The following CGNL1 variants were observed in gnomAD, a reference collection of about 807,000 sequenced individuals.
The protein encoded by CGNL1 is cingulin like 1.
In CGNL1, 132 loss-of-function variants were observed where a neutral mutation model predicts 141.2. The observed-to-expected ratio is 0.93, with a 90% CI of 0.81 to 1.08. The LOEUF (loss-of-function observed/expected upper bound fraction) is 1.08. Ranked by LOEUF, CGNL1 falls within the 50% of genes least tolerant of loss-of-function variation. The pLI is 0.00. For missense variants in CGNL1, 1,870 were observed against 1,588.6 expected, an observed-to-expected ratio of 1.18 and a Z score of -3.01; for synonymous variants, 690 against 622.1, an observed-to-expected ratio of 1.11 and a Z score of -1.63.
At chr15:57,403,231 G>A (rs1228070171) in intron 1 of CGNL1, among the ~76,000 whole-genome samples, 2 of 152,214 alleles carry the variant, frequency 1.3e-5, no homozygotes, top group African/African-American at 4.8e-5. Context: ...CTCATGCTGA[G>A]CTTTGTCAGC....
At chr15:57,497,667 G>A (rs2063960028) in intron 8 of CGNL1, among the ~76,000 whole-genome samples, 1 of 152,224 alleles carries the variant, frequency 6.6e-6, no homozygotes, top group South Asian at 2.1e-4. Context: ...AGTTCCACAG[G>A]AATGGAGGGT....
intron 1 of CGNL1, among the ~76,000 whole-genome samples, chr15:57,434,421 C>A (rs377013094): frequency 1.3e-5 from 2 of 151,764 alleles, no homozygotes; most frequent in East Asian, 3.9e-4. Flanking sequence ...AAACCAAGAA[C>A]AAAATAAAAT....
At chr15:57,473,297 C>G (rs1210233263) in intron 8 of CGNL1, among the ~76,000 whole-genome samples, 1 of 152,110 alleles carries the variant, frequency 6.6e-6, no homozygotes, top group Non-Finnish European at 1.5e-5. Context: ...TAAAGACTTG[C>G]CAAGATCATT....
Position 57,434,983 on chromosome 15 carries a change from A to G in CGNL1, c.-15-3002A>G, listed in dbSNP as rs547198701. ...AGGAAGAGAGCAATGAGACCCTAAT[A>G]TAGGGTAGGAGGAGGGAAGACTGTA... On this transcript the variant is annotated intron_variant, in intron 1 of 18. Coordinates refer to ENST00000281282, the MANE Select transcript of CGNL1 (RefSeq NM_032866.5). Among the ~76,000 whole-genome samples the G allele has an allele frequency of 2.0e-5, 3 of 152,252 alleles. No individual in the cohort carries two copies. In the South Asian group the frequency reaches 6.2e-4, roughly 32 times the overall value.
chr15:57,453,566 G>A (rs1301180595), intron 6 of CGNL1, 117 bp from the exon 7 acceptor site: 1 of 1,324,986 alleles, frequency 7.5e-7, no homozygotes, highest in Non-Finnish European at 1.0e-6. Flanking sequence ...AACAGAGAAT[G>A]GGGAGGCTCC....
chr15:57,526,099 A>G (rs1361162315), intron 12 of CGNL1, among the ~76,000 whole-genome samples: 1 of 152,066 alleles, frequency 6.6e-6, no homozygotes, highest in Admixed American at 6.5e-5. Flanking sequence ...CTCTAGTTAG[A>G]TAAGGAAACT....
intron 8 of CGNL1, among the ~76,000 whole-genome samples, chr15:57,507,440 T>C (rs1486236513): frequency 6.6e-6 from 1 of 152,220 alleles, no homozygotes; most frequent in African/African-American, 2.4e-5. Context: ...GGAAGCATGT[T>C]GACTTATTTC....
Position 57,405,979 on chromosome 15 carries a change from A to AC in CGNL1, c.-16+29417dup, listed in dbSNP as rs11287148. 4 of 151,748 alleles carry AC rather than the reference A, an allele frequency of 2.6e-5. No homozygotes were observed. The East Asian group carries it at 5.8e-4, about 22-fold the overall frequency. 9.4% of individuals were successfully genotyped at this position (151,748 alleles called of 1,614,324 possible). On this transcript the variant is annotated intron_variant, in intron 1 of 18. Coordinates refer to ENST00000281282, the MANE Select transcript of CGNL1 (RefSeq NM_032866.5). ...CATTTAATACAGATATTTACCAAGT[A>AC]CCCCCTGTGGGTCAGGCCCTACTCT...
rs570349621 is a variant in CGNL1 at position 57,420,049 on chromosome 15, T to G, written c.-15-17936T>G. Among the ~76,000 whole-genome samples, 133 of 152,354 alleles carry G rather than the reference T, an allele frequency of 8.7e-4. 3 individuals are homozygous for G. Among genetic ancestry groups the G allele is most frequent in the Non-Finnish European group, 2.9e-5 (2 of 68,024 alleles). On this transcript the variant is annotated intron_variant, in intron 1 of 18. Coordinates refer to ENST00000281282, the MANE Select transcript of CGNL1 (RefSeq NM_032866.5). Reference sequence around the variant, plus strand: ...ATTGGGAGATCTTTTAGTTGGCTCCTGTGTCCCTTTGATATACCTTAATCA... The same window carrying G: ...ATTGGGAGATCTTTTAGTTGGCTCCGGTGTCCCTTTGATATACCTTAATCA...
intron 8 of CGNL1, among the ~76,000 whole-genome samples, chr15:57,469,718 C>T (rs1282201774): frequency 6.6e-6 from 1 of 152,116 alleles, no homozygotes; most frequent in Non-Finnish European, 1.5e-5. Flanking sequence ...TCTCCCCCTT[C>T]ACCACCACCC....
At chr15:57,464,073 CT>C (rs34545500) in intron 8 of CGNL1, among the ~76,000 whole-genome samples, 31,743 of 148,984 alleles carry the variant, frequency 0.21, 3,744 homozygotes, top group South Asian at 0.3. Context: ...CACTTTTGTC[CT>C]TTTTTTTTTT....
chr15:57,426,463 T>A (rs1277302701), intron 1 of CGNL1, among the ~76,000 whole-genome samples: 14 of 139,366 alleles, frequency 1.0e-4, no homozygotes, highest in Non-Finnish European at 9.4e-5. Context: ...TTTTTTTTTT[T>A]AAAGACAGGT....
At chr15:57,513,253 G>GGTGTGT (rs369204678) in intron 8 of CGNL1, among the ~76,000 whole-genome samples, 6,814 of 133,800 alleles carry the variant, frequency 0.051, 144 homozygotes, top group Middle Eastern at 0.078. Flanking sequence ...TGTCAATATG[G>GGTGTGT]GTGTGTGTGT....
In CGNL1 at chr15:57,544,573, A is replaced by T; in HGVS notation, c.3476A>T (p.Glu1159Val). 1 of 1,593,448 alleles carries T rather than the reference A, an allele frequency of 6.3e-7. No homozygotes were observed. The highest frequency in any genetic ancestry group is 8.5e-7 in the Non-Finnish European group (1 of 1,169,780). The change falls in exon 16 of 19, where the codon GAG becomes GTG. Residue 1159 changes from glutamate to valine, a missense_variant. Coordinates refer to ENST00000281282, the MANE Select transcript of CGNL1 (RefSeq NM_032866.5). The stretch of plus-strand genomic sequence containing the variant: ...ATGGAGGCCAGGATCGCGGAGCTGG[A>T]GGACCGCCTGGAGAGTGAGGAGAGG... ...VQMEARIAEL[E>V]DRLESEERDR...
intron 7 of CGNL1, among the ~76,000 whole-genome samples, chr15:57,460,004 T>C (rs1260683828): frequency 6.6e-6 from 1 of 152,090 alleles, no homozygotes; most frequent in African/African-American, 2.4e-5. Context: ...AATTAATAGT[T>C]GGAAAAACAA....
At chr15:57,496,526 G>A (rs970758634) in intron 8 of CGNL1, among the ~76,000 whole-genome samples, 3 of 152,108 alleles carry the variant, frequency 2.0e-5, no homozygotes, top group South Asian at 2.1e-4. Flanking sequence ...AACCTCCGCC[G>A]ATCCATGGAA....
chr15:57,472,795 T>C (rs760484574), intron 8 of CGNL1, among the ~76,000 whole-genome samples: 15 of 152,206 alleles, frequency 9.9e-5, no homozygotes, highest in Admixed American at 6.5e-4. Context: ...ATAGGGCTTA[T>C]AGCTGAAGGC....
intron 1 of CGNL1, among the ~76,000 whole-genome samples, chr15:57,382,635 C>G (rs1286834790): frequency 6.6e-6 from 1 of 152,170 alleles, no homozygotes; most frequent in African/African-American, 2.4e-5. Flanking sequence ...CTCAAGAATT[C>G]TCTTGTTTTT....
chr15:57,409,037 T>TCTCACACACACACA (rs143760210), intron 1 of CGNL1, among the ~76,000 whole-genome samples: 72 of 141,834 alleles, frequency 5.1e-4, no homozygotes, highest in East Asian at 2.6e-3. Flanking sequence ...TGAGACTCTG[T>TCTCACACACACACA]CACACACACA....
Sources: gnomAD v4.1 joint callset for allele counts (sites outside exome capture counted in the v4.1 genomes callset) on GRCh38, gnomAD v4.1.1 for gene constraint, MANE v1.5 for transcripts, NCBI Gene and HGNC (gene_info 2026-07-23, HGNC 2026-07-21) for gene names.